LYPD1: variants seen among roughly 807,000 people sequenced by gnomAD.
LYPD1 encodes LY6/PLAUR domain containing 1.
A neutral mutation model predicts 14.2 loss-of-function variants in LYPD1; 14 were observed. That is an observed-to-expected ratio of 0.99 (90% confidence interval 0.65 to 1.54). The LOEUF is 1.54. Among genes scored for constraint, LYPD1 ranks in the 40% most tolerant of loss-of-function variants. The pLI is 0.00. For missense variants in LYPD1, 165 were observed against 175.7 expected, an observed-to-expected ratio of 0.94 and a Z score of 0.34; for synonymous variants, 85 against 70.6, an observed-to-expected ratio of 1.20 and a Z score of -1.02.
chr2:132,668,505 C>G lies in LYPD1; in HGVS notation c.85G>C (p.Glu29Gln). ...FALQIQCYQC[E>Q]EFQLNNDCSS... ...CAGTCGTTGTTCAGCTGGAATTCTT[C>G]ACACTGGTAGCACTGGATTTGCAGC... The change falls in exon 2 of 3, where the codon GAA (glutamate) becomes CAA (glutamine). Residue 29 changes from glutamate to glutamine, a missense_variant. Glu to Gln is a conservative substitution (Grantham distance 29). Coordinates refer to ENST00000397463, the MANE Select transcript of LYPD1 (RefSeq NM_144586.7). The G allele has an allele frequency of 1.2e-6, 2 of 1,612,606 alleles. No homozygotes were observed. The highest frequency in any genetic ancestry group is 2.7e-5 in the African/African-American group (2 of 75,012).
chr2:132,670,173 C>A lies in LYPD1; in HGVS notation c.-241G>T. On this transcript the variant is annotated 5_prime_UTR_variant, in exon 1 of 3. Coordinates refer to ENST00000397463, the MANE Select transcript of LYPD1 (RefSeq NM_144586.7). This position sits in a 1 kb window ranked among gnomAD's most constrained non-coding sequence, Gnocchi z 4.5. The stretch of plus-strand genomic sequence containing the variant: ...CCGCTCGCGCTCCCGGGCCGAGCAC[C>A]GCGCCTCCGGAGTTGGCGGCTGAGA... 1.5e-6 allele frequency: 2 copies of A among 1,317,964 alleles called. No individual in the cohort carries two copies. The highest frequency in any genetic ancestry group is 1.7e-5 in the South Asian group (1 of 57,164). 81.6% of individuals were successfully genotyped at this position (1,317,964 alleles called of 1,614,324 possible).
At chr2:132,658,704 T>C (rs1441830839) in intron 2 of LYPD1, among the ~76,000 whole-genome samples, 2 of 152,104 alleles carry the variant, frequency 1.3e-5, no homozygotes, top group African/African-American at 4.8e-5. Context: ...CTGAATGGTT[T>C]AGAAGTATAT....
intron 2 of LYPD1, among the ~76,000 whole-genome samples, chr2:132,654,919 T>C (rs1341793409): frequency 6.6e-6 from 1 of 151,958 alleles, no homozygotes; most frequent in Admixed American, 6.6e-5. Flanking sequence ...CGGTTAATTT[T>C]TTGTATTTTT....
intron 2 of LYPD1, among the ~76,000 whole-genome samples, chr2:132,656,322 GGAGT>G (rs1488442148): frequency 2.0e-5 from 3 of 152,128 alleles, no homozygotes; most frequent in Non-Finnish European, 4.4e-5. Context: ...TGCCTGTTTG[GGAGT>G]GAGACTTCCC....
Position 132,645,457 on chromosome 2 carries a change from ACTGAGAAGATTTTCTTAAGCACT to A in LYPD1, c.*565_*587del. On this transcript the variant is annotated 3_prime_UTR_variant, in exon 3 of 3. Coordinates refer to ENST00000397463, the MANE Select transcript of LYPD1 (RefSeq NM_144586.7). ...CCGGCGCCAGTCCTCTGCAAGGAGAACTGAGAAGATTTTCTTAAGCACTTTTCAGAGCGAGGCCGAGCCCCAGT... is the reference window on the plus strand; with the variant it reads ...CCGGCGCCAGTCCTCTGCAAGGAGAATTTCAGAGCGAGGCCGAGCCCCAGT... 2 of 1,613,886 alleles carry A rather than the reference ACTGAGAAGATTTTCTTAAGCACT, an allele frequency of 1.2e-6. No homozygotes were observed. Among genetic ancestry groups the A allele is most frequent in the South Asian group, 2.2e-5 (2 of 91,082 alleles).
chr2:132,665,086 G>C (rs1313165180), intron 2 of LYPD1, among the ~76,000 whole-genome samples: 2 of 152,174 alleles, frequency 1.3e-5, no homozygotes, highest in Non-Finnish European at 2.9e-5. Flanking sequence ...TGACCAAAGG[G>C]AACAAGAGTG....
intron 2 of LYPD1, among the ~76,000 whole-genome samples, chr2:132,650,793 A>G (rs1682335241): frequency 6.6e-6 from 1 of 152,126 alleles, no homozygotes; most frequent in South Asian, 2.1e-4. Flanking sequence ...CAGTTTTAAG[A>G]GCTTTATGAA....
Position 132,646,279 on chromosome 2 carries a change from C to A in LYPD1, c.192G>T (p.Gly64=). 6.7e-7 allele frequency: 1 copy of A among 1,488,710 alleles called. No individual in the cohort carries two copies. The highest frequency in any genetic ancestry group is 1.4e-5 in the South Asian group (1 of 71,416). The allele number at this position is 1,488,710 out of a possible 1,614,324, so 92.2% of individuals were successfully genotyped here. A position where few individuals can be genotyped will look rare whatever the true frequency, so the allele number is the denominator to read the frequency against. ...ATGCACAGGACTTGCGGTACATGAT[C>A]CCTGTAACACAGACCCAAAGGAGCT... ...CQKEVMEQSA[G]IMYRKSCASS... Residue 64 remains glycine (G), a splice_region_variant and synonymous_variant, in exon 3 of 3, where the codon GGG becomes GGT. Transcript: ENST00000397463.
chr2:132,664,058 T>C (rs2709521), intron 2 of LYPD1, among the ~76,000 whole-genome samples: 76,938 of 151,870 alleles, frequency 0.51, 20,579 homozygotes, highest in East Asian at 0.66. Flanking sequence ...TGTGTGTGTG[T>C]GCACATATGT....
Position 132,645,638 on chromosome 2 carries a change from G to T in LYPD1, c.*407C>A, listed in dbSNP as rs374523079. 2.2e-5 allele frequency: 35 copies of T among 1,587,544 alleles called. No homozygotes were observed. In the East Asian group the frequency reaches 4.9e-4, roughly 22 times the overall value. Reference sequence around the variant, plus strand: ...AGCGAGGGAGCCTTGAGTGGGAACTGGCCCTCCAGCCCTAAGAAAACGTCA... The same window carrying T: ...AGCGAGGGAGCCTTGAGTGGGAACTTGCCCTCCAGCCCTAAGAAAACGTCA... On this transcript the variant is annotated 3_prime_UTR_variant, in exon 3 of 3. Transcript: ENST00000397463.
At position 132,644,604 on chromosome 2, in the gene LYPD1, G is replaced by A. The variant is rs1271231070; in HGVS notation, c.*1441C>T. ...CAAAACCAGTGTCATTAAATATGCTGCTTTGTTGCCAAAGGGACACTTCTT... is the reference window on the plus strand; with the variant it reads ...CAAAACCAGTGTCATTAAATATGCTACTTTGTTGCCAAAGGGACACTTCTT... On this transcript the variant is annotated 3_prime_UTR_variant, in exon 3 of 3. Transcript: ENST00000397463. Among the ~76,000 whole-genome samples the A allele has an allele frequency of 6.6e-6, 1 of 152,164 alleles. No homozygotes were observed. Among genetic ancestry groups the A allele is most frequent in the Non-Finnish European group, 1.5e-5 (1 of 68,026 alleles).
chr2:132,662,424 T>TAG (rs1558885461), intron 2 of LYPD1, among the ~76,000 whole-genome samples: 1 of 152,162 alleles, frequency 6.6e-6, no homozygotes. Context: ...ACCTAGAACA[T>TAG]AGGGGTTCTC....
rs371766672 is a variant in LYPD1 at position 132,645,230 on chromosome 2, C to T, written c.*815G>A. 4 of 1,614,066 alleles carry T rather than the reference C, an allele frequency of 2.5e-6. No individual in the cohort carries two copies. The highest frequency in any genetic ancestry group is 1.1e-5 in the South Asian group (1 of 91,076). On this transcript the variant is annotated 3_prime_UTR_variant, in exon 3 of 3. Coordinates refer to ENST00000397463, the MANE Select transcript of LYPD1 (RefSeq NM_144586.7). ...GCGTACATGATCCTCCTCCCCTTCTCGGAGACGTTTTTCTACCTCAGCTCG... is the reference window on the plus strand; with the variant it reads ...GCGTACATGATCCTCCTCCCCTTCTTGGAGACGTTTTTCTACCTCAGCTCG...
At chr2:132,647,486 C>T (rs539914304) in intron 2 of LYPD1, among the ~76,000 whole-genome samples, 1 of 152,260 alleles carries the variant, frequency 6.6e-6, no homozygotes, top group South Asian at 2.1e-4. Context: ...GCGCCCGCCA[C>T]CACACCCGAC....
intron 2 of LYPD1, 64 bp downstream of exon 2, chr2:132,668,336 G>T: frequency 6.6e-7 from 1 of 1,508,446 alleles, no homozygotes. Flanking sequence ...CTATTTAATG[G>T]CCCCCTCACT....
chr2:132,660,561 T>C (rs1447358994), intron 2 of LYPD1: 5 of 152,234 alleles, frequency 3.3e-5, no homozygotes, highest in Non-Finnish European at 7.3e-5. Context: ...TTCTTTCATT[T>C]GCTGGCTGAT....
intron 2 of LYPD1, among the ~76,000 whole-genome samples, chr2:132,664,569 C>T (rs75763384): frequency 0.016 from 2,385 of 152,254 alleles, 69 homozygotes; most frequent in African/African-American, 0.055. Context: ...GTGAAGAGAT[C>T]GATTAGGTTA....
In LYPD1 at chr2:132,669,705, G is replaced by A; in HGVS notation, c.52+176C>T. 2 of 1,316,572 alleles carry A rather than the reference G, an allele frequency of 1.5e-6. No individual in the cohort carries two copies. The highest frequency in any genetic ancestry group is 3.1e-5 in the South Asian group (2 of 64,556). The allele number at this position is 1,316,572 out of a possible 1,614,324, so 81.6% of individuals were successfully genotyped here. A position where few individuals can be genotyped will look rare whatever the true frequency, so the allele number is the denominator to read the frequency against. ...CTCCCCGCTCTCCTCCTGCAGCGCG[G>A]GACTTGGACACTTTCCCAGCCTCGC... On this transcript the variant is annotated intron_variant, in intron 1 of 2. Coordinates refer to ENST00000397463, the MANE Select transcript of LYPD1 (RefSeq NM_144586.7). This position sits in a 1 kb window ranked among gnomAD's most constrained non-coding sequence, Gnocchi z 4.3.
intron 2 of LYPD1, among the ~76,000 whole-genome samples, chr2:132,662,631 T>C (rs1274421400): frequency 1.3e-5 from 2 of 152,086 alleles, no homozygotes; most frequent in Non-Finnish European, 2.9e-5. Flanking sequence ...GTACACTGTC[T>C]CTCTCAAAGG....
Sources: gnomAD v4.1 joint callset for allele counts (sites outside exome capture counted in the v4.1 genomes callset) on GRCh38, gnomAD v4.1.1 for gene constraint, Gnocchi (gnomAD v3.1) non-coding constraint, MANE v1.5 for transcripts, NCBI Gene and HGNC (gene_info 2026-07-23, HGNC 2026-07-21) for gene names.